Variants in XRCC5 observed in about 807,000 individuals in gnomAD.
The protein encoded by XRCC5 is X-ray repair cross complementing 5.
XRCC5 carries 12 observed loss-of-function variants against 95.7 expected under a neutral mutation model. The observed-to-expected ratio is 0.13, with a 90% confidence interval of 0.08 to 0.20. The LOEUF is 0.20. Among genes scored for constraint, XRCC5 ranks in the 10% least tolerant of loss-of-function variants. The pLI is 1.00. For missense variants in XRCC5, 595 were observed against 873.9 expected, an observed-to-expected ratio of 0.68 and a Z score of 4.02; for synonymous variants, 281 against 290.3, an observed-to-expected ratio of 0.97 and a Z score of 0.33.
chr2:216,200,179 C>T (rs2032765), intron 19 of XRCC5, among the ~76,000 whole-genome samples: 17,812 of 152,118 alleles, frequency 0.12, 1,213 homozygotes, highest in South Asian at 0.28. Context: ...CAGCTCTTCA[C>T]GCCTTCACCT....
chr2:216,134,008 A>T (rs1330169986), intron 10 of XRCC5, among the ~76,000 whole-genome samples: 1 of 152,214 alleles, frequency 6.6e-6, no homozygotes, highest in Non-Finnish European at 1.5e-5. Context: ...TGGAAACAGC[A>T]GGTGGTGCTT....
intron 14 of XRCC5, among the ~76,000 whole-genome samples, chr2:216,152,608 A>G (rs1265200485): frequency 2.7e-5 from 4 of 150,702 alleles, no homozygotes; most frequent in African/African-American, 9.7e-5. Flanking sequence ...TCCTGCCTAA[A>G]GTGAATTCCT....
intron 14 of XRCC5, among the ~76,000 whole-genome samples, chr2:216,152,695 T>C (rs1244054687): frequency 6.6e-6 from 1 of 151,504 alleles, no homozygotes; most frequent in Non-Finnish European, 1.5e-5. Context: ...TGTCTCTCTG[T>C]CACCCAGGCT....
intron 13 of XRCC5, among the ~76,000 whole-genome samples, chr2:216,144,546 C>T (rs977641756): frequency 2.6e-5 from 4 of 152,220 alleles, no homozygotes; most frequent in South Asian, 2.1e-4. Context: ...ATAAAGAGGA[C>T]TTGAAGATAA....
chr2:216,201,823 C>G (rs1277749600), intron 19 of XRCC5, among the ~76,000 whole-genome samples: 2 of 152,170 alleles, frequency 1.3e-5, no homozygotes, highest in Non-Finnish European at 2.9e-5. Flanking sequence ...GCTAGAATTA[C>G]TTGCAGTTAC....
At chr2:216,201,507 A>G (rs975445533) in intron 19 of XRCC5, among the ~76,000 whole-genome samples, 3 of 152,134 alleles carry the variant, frequency 2.0e-5, no homozygotes, top group African/African-American at 4.8e-5. Context: ...ATTATATTTC[A>G]GTGTACTTGA....
chr2:216,114,867 T>G (rs186890921), intron 2 of XRCC5, among the ~76,000 whole-genome samples: 3 of 152,184 alleles, frequency 2.0e-5, no homozygotes, highest in Non-Finnish European at 4.4e-5. Context: ...AGCATGCGCA[T>G]GACTAGTAAC....
At chr2:216,150,285 T>C (rs1559248235) in intron 14 of XRCC5, among the ~76,000 whole-genome samples, 1 of 152,202 alleles carries the variant, frequency 6.6e-6, no homozygotes, top group East Asian at 1.9e-4. Context: ...TTTCACTTGA[T>C]ATGATTTTGG....
rs367757664 is a variant in XRCC5 at position 216,114,818 on chromosome 2, T to TG, written c.135+1694dup. Among the ~76,000 whole-genome samples, 564 of 152,278 alleles carry TG rather than the reference T, an allele frequency of 3.7e-3. 3 individuals are homozygous for TG. The highest frequency in any genetic ancestry group is 5.3e-3 in the Non-Finnish European group (362 of 68,014). On this transcript the variant is annotated intron_variant, in intron 2 of 20. Transcript: ENST00000392132. ...CTTTAACTGGTATAAAAGCTGCCTC[T>TG]GGGGGCGCTCGACCAATAATGCCGA...
intron 14 of XRCC5, among the ~76,000 whole-genome samples, chr2:216,152,736 C>T (rs191059384): frequency 3.3e-5 from 5 of 151,660 alleles, no homozygotes; most frequent in South Asian, 2.1e-4. Context: ...CAGCTCACTG[C>T]AGCCTAGACC....
rs182291264 is a variant in XRCC5 at position 216,143,181 on chromosome 2, C to A, written c.1476+1862C>A. On this transcript the variant is annotated intron_variant, in intron 13 of 20. Coordinates refer to ENST00000392132, the MANE Select transcript of XRCC5 (RefSeq NM_021141.4). ...CTACTGAGTTCTACTGAATGAGTAT[C>A]GCTTTCACACTGTTGTAAAGTGGAA... is the stretch of plus-strand genomic sequence containing the variant. 1.8e-3 allele frequency among the ~76,000 whole-genome samples: 267 copies of A among 152,312 alleles called. 2 individuals carry two copies. The Middle Eastern group carries it at 0.02, about 12-fold the overall frequency.
intron 10 of XRCC5, among the ~76,000 whole-genome samples, chr2:216,135,403 G>T (rs1697058945): frequency 6.6e-6 from 1 of 152,174 alleles, no homozygotes; most frequent in African/African-American, 2.4e-5. Flanking sequence ...GCTCAGTGAT[G>T]CCAGAATAGA....
chr2:216,190,345 C>CTTTT lies in XRCC5; in HGVS notation c.1944+11_1944+12insTTTT. ...GAAGAAGCCATTAAGGTAATGCTAT[C>CTTTT]CTAGCATCTCTTTTCTTCCTAAACA... On this transcript the variant is annotated intron_variant, in intron 17 of 20. Transcript: ENST00000392132. The CTTTT allele has an allele frequency of 6.2e-7, 1 of 1,603,958 alleles. No homozygotes were observed. Among genetic ancestry groups the CTTTT allele is most frequent in the African/African-American group, 1.3e-5 (1 of 74,804 alleles).
chr2:216,126,842 C>T (rs1397247000), intron 7 of XRCC5, among the ~76,000 whole-genome samples: 1 of 151,756 alleles, frequency 6.6e-6, no homozygotes, highest in East Asian at 1.9e-4. Flanking sequence ...TATAGTCTCC[C>T]TCCTCTTTTA....
intron 3 of XRCC5, chr2:216,117,482 C>A: frequency 2.2e-6 from 1 of 464,662 alleles, no homozygotes; most frequent in South Asian, 3.5e-5. Context: ...TATTAAATGA[C>A]ATAATTTTTG....
At chr2:216,133,599 A>G (rs1429204023) in intron 10 of XRCC5, among the ~76,000 whole-genome samples, 1 of 152,222 alleles carries the variant, frequency 6.6e-6, no homozygotes, top group African/African-American at 2.4e-5. Flanking sequence ...CATGTTGGGT[A>G]ATGATGTAGG....
At chr2:216,149,636 A>G (rs1688706535) in intron 14 of XRCC5, among the ~76,000 whole-genome samples, 1 of 152,062 alleles carries the variant, frequency 6.6e-6, no homozygotes. Context: ...CCAGTCCGTG[A>G]TCTTGATTAC....
chr2:216,205,163 C>A (rs1353555508), intron 20 of XRCC5, 25 bp from the exon 21 acceptor site: 1 of 1,613,680 alleles, frequency 6.2e-7, no homozygotes, highest in African/African-American at 1.3e-5. Flanking sequence ...TGATTCCTTT[C>A]TAAGTGTGTT....
chr2:216,196,074 A>G (rs1689712457), intron 19 of XRCC5, among the ~76,000 whole-genome samples: 2 of 152,188 alleles, frequency 1.3e-5, no homozygotes, highest in African/African-American at 4.8e-5. Flanking sequence ...TGGAAATGTT[A>G]ATCAGATGGC....
Sources: allele counts gnomAD v4.1 joint callset (sites outside exome capture counted in the v4.1 genomes callset), GRCh38; gene constraint gnomAD v4.1.1; transcripts MANE v1.5; gene names NCBI Gene and HGNC (gene_info 2026-07-23, HGNC 2026-07-21).